The following SLITRK6 variants were observed in gnomAD, a reference collection of about 807,000 sequenced individuals.
SLITRK6 encodes the protein SLIT and NTRK like family member 6.
SLITRK6 carries 35 observed loss-of-function variants against 55.6 expected under a neutral mutation model. The ratio of observed to expected loss-of-function variants is 0.63; its 90% CI spans 0.48 to 0.83. SLITRK6 has a LOEUF of 0.83. SLITRK6 is among the 40% of genes least tolerant of loss of function. The pLI, the probability that SLITRK6 is intolerant of heterozygous loss-of-function variation, is 0.00. For missense variants in SLITRK6, 977 were observed against 986.4 expected, an observed-to-expected ratio of 0.99 and a Z score of 0.13; for synonymous variants, 392 against 359.6, an observed-to-expected ratio of 1.09 and a Z score of -1.02.
chr13:85,799,408 G>A lies in SLITRK6; in HGVS notation c.-519C>T, dbSNP rs757382396. The A allele has an allele frequency of 4.6e-5, 7 of 152,004 alleles. No homozygotes were observed. Among genetic ancestry groups the A allele is most frequent in the Non-Finnish European group, 8.8e-5 (6 of 68,010 alleles). 9.4% of individuals were successfully genotyped at this position (152,004 alleles called of 1,614,324 possible). ...GATTGCCAAGGGCTGGGAGGTAGGC[G>A]TAAATAAAGAGACTTCTTGGCTTTT... On this transcript the variant is annotated 5_prime_UTR_variant, in exon 1 of 2. In the 5' UTR this introduces an upstream ATG that the reference lacks. Coordinates refer to ENST00000647374, the MANE Select transcript of SLITRK6 (RefSeq NM_032229.3).
chr13:85,795,191 A>C lies in SLITRK6; in HGVS notation c.1318T>G (p.Leu440Val), dbSNP rs200767869. ...TTAATGGCATTGTATTCAAGATATA[A>C]GTATTCAAGATTATGGAGACCAAGG... ...MFLGLHNLEY[L>V]YLEYNAIKEI... The change falls in exon 2 of 2, where the codon TTA becomes GTA. Residue 440 changes from leucine to valine, a missense_variant. Transcript: ENST00000647374. 3.7e-4 allele frequency: 591 copies of C among 1,612,450 alleles called. No individual in the cohort carries two copies. The highest frequency in any genetic ancestry group is 4.4e-4 in the Non-Finnish European group (524 of 1,179,320).
In SLITRK6 at chr13:85,799,152, G is replaced by A. The variant is rs1261943941; in HGVS notation, c.-263C>T. On this transcript the variant is annotated 5_prime_UTR_variant, in exon 1 of 2. Transcript: ENST00000647374. ...AGAGTGCATACTAGAGCATCCTGAAGCAATTGTCCCTTTTTCCCTCAATTA... is the reference window on the plus strand; with the variant it reads ...AGAGTGCATACTAGAGCATCCTGAAACAATTGTCCCTTTTTCCCTCAATTA... The A allele has an allele frequency of 6.6e-6, 1 of 151,742 alleles. No homozygotes were observed. Among genetic ancestry groups the A allele is most frequent in the Non-Finnish European group, 1.5e-5 (1 of 67,948 alleles). The allele number at this position is 151,742 out of a possible 1,614,324, so 9.4% of individuals were successfully genotyped here. A position where few individuals can be genotyped will look rare whatever the true frequency, so the allele number is the denominator to read the frequency against.
Position 85,796,264 on chromosome 13 carries a change from T to G in SLITRK6, c.245A>C (p.Asn82Thr), listed in dbSNP as rs1380025683. The G allele has an allele frequency of 1.9e-6, 3 of 1,612,498 alleles. No homozygotes were observed. The African/African-American group carries it at 4.0e-5, about 22-fold the overall frequency. Reference sequence around the variant, plus strand: ...AGCATTGGTAAGCCCAGAAAAGTCATTTGTGTGAAGCATCGTCAAGCCGTT... The same window carrying G: ...AGCATTGGTAAGCCCAGAAAAGTCAGTTGTGTGAAGCATCGTCAAGCCGTT... The part of the protein sequence containing the change: ...LNNGLTMLHT[N>T]DFSGLTNAIS... The change falls in exon 2 of 2, where the codon AAT (asparagine) becomes ACT (threonine). Residue 82 changes from asparagine to threonine, a missense_variant. Transcript: ENST00000647374.
rs753695851 is a variant in SLITRK6, at chr13:85,795,137, T to A, written c.1372A>T (p.Met458Leu). Residue 458 changes from methionine to leucine, a missense_variant, in exon 2 of 2, where the codon ATG becomes TTG. By Grantham distance (15) the Met-to-Leu change is conservative. Transcript: ENST00000647374. ...KEILPGTFNP[M>L]PKLKVLYLNN... ...AAATACAGGACTTTAAGTTTAGGCA[T>A]TGGATTAAAGGTTCCTGGCAGTATT... 1 of 1,612,854 alleles carries A rather than the reference T, an allele frequency of 6.2e-7. No homozygotes were observed. The highest frequency in any genetic ancestry group is 8.5e-7 in the Non-Finnish European group (1 of 1,179,378).
At position 85,794,559 on chromosome 13, in the gene SLITRK6, G is replaced by A; in HGVS notation, c.1950C>T (p.Asp650=). 6.2e-7 allele frequency: 1 copy of A among 1,613,134 alleles called. No homozygotes were observed. The highest frequency in any genetic ancestry group is 8.5e-7 in the Non-Finnish European group (1 of 1,179,548). Residue 650 remains aspartate (D), a synonymous_variant, in exon 2 of 2, where the codon GAC becomes GAT. Coordinates refer to ENST00000647374, the MANE Select transcript of SLITRK6 (RefSeq NM_032229.3). ...TGTACTGAAGATGCACAGGACTGTTGTCTCTCATTTGCTCATCTACTTGTT... is the reference window on the plus strand; with the variant it reads ...TGTACTGAAGATGCACAGGACTGTTATCTCTCATTTGCTCATCTACTTGTT... The part of the protein sequence containing the change: ...KKKQVDEQMR[D]NSPVHLQYSM...
At chr13:85,796,635 G>T in intron 1 of SLITRK6, 103 bp from the exon 2 acceptor site, 1 of 922,212 alleles carries the variant, frequency 1.1e-6, no homozygotes. Context: ...AAAAGCAAAT[G>T]ACGGATTACC....
At position 85,796,461 on chromosome 13, in the gene SLITRK6, T is replaced by TATAC; in HGVS notation, c.44_47dup (p.Ile16MetfsTer18). The stretch of plus-strand genomic sequence containing the variant: ...GCACTGGAGTTTGGGAGTGTAAAGA[T>TATAC]ATACAGGCAAGGAGAGATGAATAAA... On this transcript the variant is annotated frameshift_variant, in exon 2 of 2. Transcript: ENST00000647374. LOFTEE classifies it high-confidence loss of function. 1 of 1,595,202 alleles carries TATAC rather than the reference T, an allele frequency of 6.3e-7. No homozygotes were observed. Among genetic ancestry groups the TATAC allele is most frequent in the Non-Finnish European group, 8.5e-7 (1 of 1,173,530 alleles).
At chr13:85,796,896 T>C (rs1874743642) in intron 1 of SLITRK6, among the ~76,000 whole-genome samples, 1 of 151,754 alleles carries the variant, frequency 6.6e-6, no homozygotes, top group African/African-American at 2.4e-5. Flanking sequence ...AGTTATATAT[T>C]TGAAAATATT....
Position 85,793,765 on chromosome 13 carries a change from G to T in SLITRK6, c.*218C>A. ...AATCCTTGAATGATTTACATGCAAG[G>T]ATTTATTTTATTTGGGACAGACTAA... On this transcript the variant is annotated 3_prime_UTR_variant, in exon 2 of 2. Transcript: ENST00000647374. The T allele has an allele frequency of 2.2e-6, 1 of 458,086 alleles. No individual in the cohort carries two copies. Among genetic ancestry groups the T allele is most frequent in the Non-Finnish European group, 3.8e-6 (1 of 265,062 alleles). 28.4% of individuals were successfully genotyped at this position (458,086 alleles called of 1,614,324 possible).
In SLITRK6 at chr13:85,794,445, A is replaced by G. The variant is rs1340380810; in HGVS notation, c.2064T>C (p.His688=). 1.9e-6 allele frequency: 3 copies of G among 1,613,382 alleles called. No homozygotes were observed. The highest frequency in any genetic ancestry group is 1.3e-5 in the African/African-American group (1 of 74,954). The stretch of plus-strand genomic sequence containing the variant: ...GACCAAAGGATGGACTTCTATAGAC[A>G]TGAACCATGGGGCTCACCATGTGCT... The part of the protein sequence containing the change: ...YEQHMVSPMV[H]VYRSPSFGPK... Residue 688 remains histidine, a synonymous_variant, in exon 2 of 2, where the codon CAT becomes CAC. Transcript: ENST00000647374.
At position 85,794,436 on chromosome 13, in the gene SLITRK6, T is replaced by TCTATA. The variant is rs1566397333; in HGVS notation, c.2068_2072dup (p.Arg691SerfsTer47). On this transcript the variant is annotated frameshift_variant, in exon 2 of 2. Coordinates refer to ENST00000647374, the MANE Select transcript of SLITRK6 (RefSeq NM_032229.3). LOFTEE classifies it high-confidence loss of function. Reference sequence around the variant, plus strand: ...GATGCTTTGGACCAAAGGATGGACTTCTATAGACATGAACCATGGGGCTCA... The same window carrying TCTATA: ...GATGCTTTGGACCAAAGGATGGACTTCTATACTATAGACATGAACCATGGGGCTCA... 6.2e-7 allele frequency: 1 copy of TCTATA among 1,613,402 alleles called. No homozygotes were observed. The highest frequency in any genetic ancestry group is 8.5e-7 in the Non-Finnish European group (1 of 1,179,566).
chr13:85,796,203 A>T lies in SLITRK6; in HGVS notation c.306T>A (p.Asp102Glu). 6.2e-7 allele frequency: 1 copy of T among 1,613,154 alleles called. No homozygotes were observed. The part of the protein sequence containing the change: ...SIHLGFNNIA[D>E]IEIGAFNGLG... Reference sequence around the variant, plus strand: ...GGCCATTAAATGCACCTATCTCAATATCTGCAATATTGTTAAATCCAAGGT... The same window carrying T: ...GGCCATTAAATGCACCTATCTCAATTTCTGCAATATTGTTAAATCCAAGGT... The change falls in exon 2 of 2, where the codon GAT (aspartate) becomes GAA (glutamate). Residue 102 changes from aspartate to glutamate, a missense_variant. Physicochemically the swap from Asp to Glu is conservative, Grantham distance 45. Coordinates refer to ENST00000647374, the MANE Select transcript of SLITRK6 (RefSeq NM_032229.3).
In SLITRK6 at chr13:85,794,786, T is replaced by C. The variant is rs754132796; in HGVS notation, c.1723A>G (p.Met575Val). 6.2e-7 allele frequency: 1 copy of C among 1,613,250 alleles called. No homozygotes were observed. Among genetic ancestry groups the C allele is most frequent in the South Asian group, 1.1e-5 (1 of 91,060 alleles). The change falls in exon 2 of 2, where the codon ATG (methionine) becomes GTG (valine). Residue 575 changes from methionine (M) to valine (V), a missense_variant. By Grantham distance (21) the Met-to-Val change is conservative. Coordinates refer to ENST00000647374, the MANE Select transcript of SLITRK6 (RefSeq NM_032229.3). ...LCPGLVNNPS[M>V]PTQTSYLMVT... ...ATAAGGTAACTAGTCTGTGTTGGCATGGATGGGTTATTTACTAAACCTGGA... is the reference window on the plus strand; with the variant it reads ...ATAAGGTAACTAGTCTGTGTTGGCACGGATGGGTTATTTACTAAACCTGGA...
In SLITRK6 at chr13:85,794,522, G is replaced by A. The variant is rs1279381637; in HGVS notation, c.1987C>T (p.His663Tyr). ...PVHLQYSMYGHKTTHHTTERP... is the reference protein window; with the variant it reads ...PVHLQYSMYGYKTTHHTTERP... The stretch of plus-strand genomic sequence containing the variant: ...TCAGTAGTGTGATGAGTGGTTTTAT[G>A]GCCATACATGCTGTACTGAAGATGC... The change falls in exon 2 of 2, where the codon CAT (histidine) becomes TAT (tyrosine). Residue 663 changes from histidine to tyrosine, a missense_variant. His to Tyr is a moderately conservative substitution (Grantham distance 83). Coordinates refer to ENST00000647374, the MANE Select transcript of SLITRK6 (RefSeq NM_032229.3). 3.1e-6 allele frequency: 5 copies of A among 1,613,016 alleles called. No individual in the cohort carries two copies. The highest frequency in any genetic ancestry group is 1.3e-5 in the African/African-American group (1 of 74,788).
In SLITRK6 at chr13:85,793,990, TG is replaced by T; in HGVS notation, c.2518del (p.Gln840LysfsTer7). 2 of 1,593,486 alleles carry T rather than the reference TG, an allele frequency of 1.3e-6. No homozygotes were observed. Among genetic ancestry groups the T allele is most frequent in the South Asian group, 2.3e-5 (2 of 87,646 alleles). ...AGCCCTCAAACTCTCCATCTATGTTTGCTGCTCCAGGACTTCTAAATAGTCA... is the reference window on the plus strand; with the variant it reads ...AGCCCTCAAACTCTCCATCTATGTTTCTGCTCCAGGACTTCTAAATAGTCA... Reference protein sequence around the residue: ...EPDYLEVLEQQT With the variant: ...EPDYLEVLEQXT On this transcript the variant is annotated frameshift_variant, in exon 2 of 2. Transcript: ENST00000647374. LOFTEE classifies it high-confidence loss of function.
In SLITRK6 at chr13:85,795,609, G is replaced by A. The variant is rs774525079; in HGVS notation, c.900C>T (p.Thr300=). 33 of 1,612,792 alleles carry A rather than the reference G, an allele frequency of 2.0e-5. No individual in the cohort carries two copies. In the African/African-American group the frequency reaches 4.1e-4, roughly 20 times the overall value. Residue 300 remains threonine, a synonymous_variant, in exon 2 of 2, where the codon ACC becomes ACT. Coordinates refer to ENST00000647374, the MANE Select transcript of SLITRK6 (RefSeq NM_032229.3). ...TGGTGGGTAGTTTTAGAATGGACGTGGTCTTAGTTGACATGCGACTATCAT... is the reference window on the plus strand; with the variant it reads ...TGGTGGGTAGTTTTAGAATGGACGTAGTCTTAGTTGACATGCGACTATCAT... ...SINDSRMSTK[T]TSILKLPTKA...
chr13:85,797,645 TTGA>T (rs1315073826), intron 1 of SLITRK6, among the ~76,000 whole-genome samples: 2 of 151,796 alleles, frequency 1.3e-5, no homozygotes, highest in African/African-American at 4.8e-5. Flanking sequence ...ATTAAACTTT[TTGA>T]TGATATTTCA....
intron 1 of SLITRK6, among the ~76,000 whole-genome samples, chr13:85,797,081 ATTG>A (rs1461448091): frequency 6.6e-6 from 1 of 151,308 alleles, no homozygotes; most frequent in African/African-American, 2.4e-5. Context: ...TTGTCTTTAT[ATTG>A]TTGAACTGGG....
chr13:85,794,105 T>C lies in SLITRK6; in HGVS notation c.2404A>G (p.Thr802Ala). The change falls in exon 2 of 2, where the codon ACA becomes GCA. Residue 802 changes from threonine (T) to alanine (A), a missense_variant. Coordinates refer to ENST00000647374, the MANE Select transcript of SLITRK6 (RefSeq NM_032229.3). ...TTCCTTGGACGTGAGTACATTAATG[T>C]TTCCATTAACTTCAGCTCTTCGTGG... ...GAHEELKLME[T>A]LMYSRPRKVL... The C allele has an allele frequency of 1.2e-6, 2 of 1,613,102 alleles. No homozygotes were observed. Among genetic ancestry groups the C allele is most frequent in the Non-Finnish European group, 1.7e-6 (2 of 1,179,384 alleles).
Sources: allele counts gnomAD v4.1 joint callset (sites outside exome capture counted in the v4.1 genomes callset), GRCh38; gene constraint gnomAD v4.1.1; transcripts MANE v1.5; gene names NCBI Gene and HGNC (gene_info 2026-07-23, HGNC 2026-07-21).